PCSK5: variants seen among roughly 807,000 people sequenced by gnomAD.
PCSK5 encodes prohormone convertase 5.
PCSK5 carries 129 observed loss-of-function variants against 233.2 expected under a neutral mutation model. The observed-to-expected ratio is 0.55, with a 90% CI of 0.48 to 0.64. The LOEUF is 0.64. PCSK5 is among the 30% of genes least tolerant of loss of function. The pLI is 0.00. For missense variants in PCSK5, 2,076 were observed against 2,430.1 expected, an observed-to-expected ratio of 0.85 and a Z score of 3.06; for synonymous variants, 825 against 879.2, an observed-to-expected ratio of 0.94 and a Z score of 1.09.
At chr9:75,932,307 A>T in intron 1 of PCSK5, 72 bp from the exon 2 acceptor site, 1 of 913,948 alleles carries the variant, frequency 1.1e-6, no homozygotes, top group Non-Finnish European at 1.7e-6. Context: ...AATGAAAAAC[A>T]GGAAAACAGA....
intron 10 of PCSK5, among the ~76,000 whole-genome samples, chr9:76,140,314 T>C (rs1823158238): frequency 6.6e-6 from 1 of 152,124 alleles, no homozygotes; most frequent in Non-Finnish European, 1.5e-5. Context: ...TAGAAGAAAG[T>C]CTATTAATGA....
At chr9:75,931,195 A>T (rs1254721608) in intron 1 of PCSK5, among the ~76,000 whole-genome samples, 2 of 152,072 alleles carry the variant, frequency 1.3e-5, no homozygotes, top group Non-Finnish European at 2.9e-5. Context: ...CGTGATGAAC[A>T]GAAGGGAAAG....
chr9:76,020,413 A>T (rs1015012110), intron 3 of PCSK5, among the ~76,000 whole-genome samples: 2 of 152,244 alleles, frequency 1.3e-5, no homozygotes, highest in African/African-American at 4.8e-5. Flanking sequence ...ATGCATTAAA[A>T]GTCGAAGATC....
At chr9:76,193,316 A>T in intron 20 of PCSK5, 1 of 1,612,824 alleles carries the variant, frequency 6.2e-7, no homozygotes, top group South Asian at 1.1e-5. Flanking sequence ...AGGTTCTTCA[A>T]CAACTTTGCT....
intron 24 of PCSK5, among the ~76,000 whole-genome samples, chr9:76,282,420 C>A (rs143217212): frequency 6.9e-6 from 1 of 144,250 alleles, no homozygotes; most frequent in East Asian, 2.1e-4. Flanking sequence ...CCGAGGCTAA[C>A]GCAATCCTCC....
At chr9:75,937,001 C>T (rs779853799) in intron 2 of PCSK5, among the ~76,000 whole-genome samples, 55 of 152,028 alleles carry the variant, frequency 3.6e-4, no homozygotes, top group Non-Finnish European at 6.3e-4. Flanking sequence ...CATCAGTGCT[C>T]TTGGGTGACT....
intron 2 of PCSK5, among the ~76,000 whole-genome samples, chr9:75,943,417 TTGTC>T (rs1337434097): frequency 3.3e-5 from 5 of 152,274 alleles, no homozygotes; most frequent in Admixed American, 3.3e-4. Flanking sequence ...GCCAGTTTAA[TTGTC>T]TGGCTTTGAA....
Position 76,332,469 on chromosome 9 carries a change from A to G in PCSK5, c.4607A>G (p.Tyr1536Cys). 1 of 1,612,720 alleles carries G rather than the reference A, an allele frequency of 6.2e-7. No individual in the cohort carries two copies. The highest frequency in any genetic ancestry group is 8.5e-7 in the Non-Finnish European group (1 of 1,179,718). ...GTGAAGGACTGCCCAGAGGGCTATTATGCCGATGAGGACAGCAACCGGTGT... is the reference window on the plus strand; with the variant it reads ...GTGAAGGACTGCCCAGAGGGCTATTGTGCCGATGAGGACAGCAACCGGTGT... ...TCVKDCPEGY[Y>C]ADEDSNRCAH... Residue 1536 changes from tyrosine (Y) to cysteine (C), a missense_variant, in exon 34 of 38, where the codon TAT (tyrosine) becomes TGT (cysteine). Tyr to Cys is a radical substitution (Grantham distance 194). Coordinates refer to ENST00000674117, the MANE Select transcript of PCSK5 (RefSeq NM_001372043.1).
chr9:76,160,281 T>C (rs1401443921), intron 12 of PCSK5, among the ~76,000 whole-genome samples: 1 of 152,208 alleles, frequency 6.6e-6, no homozygotes, highest in Non-Finnish European at 1.5e-5. Flanking sequence ...TCACTCATTT[T>C]CTTTTGCTCC....
chr9:76,083,225 A>G (rs796190607), intron 7 of PCSK5, among the ~76,000 whole-genome samples: 83 of 151,264 alleles, frequency 5.5e-4, no homozygotes, highest in East Asian at 5.0e-3. Flanking sequence ...AAAAAAAAAA[A>G]AAGAAGAAGT....
Position 76,316,930 on chromosome 9 carries a change from T to C in PCSK5, c.3885-4492T>C, listed in dbSNP as rs575522823. Among the ~76,000 whole-genome samples, 11 of 152,168 alleles carry C rather than the reference T, an allele frequency of 7.2e-5. No homozygotes were observed. The South Asian group carries it at 2.1e-3, about 29-fold the overall frequency. On this transcript the variant is annotated intron_variant, in intron 30 of 37. Coordinates refer to ENST00000674117, the MANE Select transcript of PCSK5 (RefSeq NM_001372043.1). ...AGTAGCTGAGTCTTTCTTCTTCAAG[T>C]GTTCTCTGTCATGGTCAAAAAAAAG...
intron 5 of PCSK5, among the ~76,000 whole-genome samples, chr9:76,050,579 A>G (rs1225715550): frequency 6.6e-6 from 1 of 152,194 alleles, no homozygotes; most frequent in African/African-American, 2.4e-5. Context: ...AGTTGCTTAG[A>G]TTGCATACTA....
intron 5 of PCSK5, among the ~76,000 whole-genome samples, chr9:76,052,497 T>A (rs1487074965): frequency 1.3e-5 from 2 of 152,106 alleles, no homozygotes; most frequent in Non-Finnish European, 2.9e-5. Flanking sequence ...TCACCTCTCA[T>A]GAGACTTATT....
At chr9:76,190,249 A>G (rs1331496260) in intron 20 of PCSK5, among the ~76,000 whole-genome samples, 2 of 152,146 alleles carry the variant, frequency 1.3e-5, no homozygotes, top group Non-Finnish European at 2.9e-5. Context: ...ACATGTATGC[A>G]ACATTATAGC....
At chr9:76,101,256 A>T (rs1236136151) in intron 8 of PCSK5, among the ~76,000 whole-genome samples, 2 of 152,180 alleles carry the variant, frequency 1.3e-5, no homozygotes, top group African/African-American at 2.4e-5. Flanking sequence ...TGGAGGCTTT[A>T]CAAGTTGTTT....
intron 9 of PCSK5, among the ~76,000 whole-genome samples, chr9:76,120,001 A>G (rs1431496459): frequency 6.6e-6 from 1 of 152,038 alleles, no homozygotes; most frequent in Non-Finnish European, 1.5e-5. Context: ...CTATATTCAT[A>G]AATTCACTGG....
intron 2 of PCSK5, among the ~76,000 whole-genome samples, chr9:75,943,994 C>T (rs537747351): frequency 6.6e-6 from 1 of 151,950 alleles, no homozygotes; most frequent in Non-Finnish European, 1.5e-5. Flanking sequence ...GAGACCCCGT[C>T]TCAACAAAAA....
At chr9:76,214,236 C>A (rs1825436665) in intron 20 of PCSK5, among the ~76,000 whole-genome samples, 3 of 151,944 alleles carry the variant, frequency 2.0e-5, no homozygotes, top group African/African-American at 7.3e-5. Context: ...GCAAATAGTT[C>A]CAGATTACAT....
chr9:76,095,897 G>A lies in PCSK5; in HGVS notation c.902G>A (p.Arg301Lys), dbSNP rs780895869. 1.2e-6 allele frequency: 2 copies of A among 1,614,016 alleles called. No individual in the cohort carries two copies. The highest frequency in any genetic ancestry group is 2.2e-5 in the South Asian group (2 of 91,074). ...TTCTCTGTTTGTGAACAGGGGCGGA[G>A]AGGCCTCGGCTCTGTGTTTGTTTGG... Reference protein sequence around the residue: ...AFENGVRMGRRGLGSVFVWAS... With the variant: ...AFENGVRMGRKGLGSVFVWAS... The change falls in exon 8 of 38, where the codon AGA (arginine) becomes AAA (lysine). Residue 301 changes from arginine (R) to lysine (K), a missense_variant. Around this residue, in one of 6 missense-constraint regions of PCSK5, gnomAD observed 178 missense variants for 393.6 expected, o/e 0.45. Coordinates refer to ENST00000674117, the MANE Select transcript of PCSK5 (RefSeq NM_001372043.1).
Sources: gnomAD v4.1 joint callset for allele counts (sites outside exome capture counted in the v4.1 genomes callset) on GRCh38, gnomAD v4.1.1 for gene constraint, gnomAD v4.1.1 regional missense constraint, MANE v1.5 for transcripts, NCBI Gene and HGNC (gene_info 2026-07-23, HGNC 2026-07-21) for gene names.